Variants in EMCN observed in about 807,000 individuals in gnomAD.
The protein encoded by EMCN is MUC-14.
A neutral mutation model predicts 38.4 loss-of-function variants in EMCN; 37 were observed. That is an observed-to-expected ratio of 0.96 (90% CI 0.74 to 1.27). The LOEUF (loss-of-function observed/expected upper bound fraction) is 1.27, where lower values mean the gene tolerates loss of function less well. Ranked by LOEUF, EMCN falls within the 50% of genes most tolerant of loss-of-function variation. EMCN has a pLI of 0.00. For synonymous variants in EMCN, 95 were observed against 100.8 expected (o/e 0.94, Z 0.35); for missense variants, 318 against 302.8 (o/e 1.05, Z -0.37).
intron 8 of EMCN, 109 bp from the exon 9 acceptor site, chr4:100,417,250 A>C: frequency 4.2e-6 from 4 of 961,680 alleles, no homozygotes; most frequent in Non-Finnish European, 6.6e-6. Context: ...CTATGCAGAG[A>C]TGTTTCTAAG....
chr4:100,447,781 AGG>A (rs1727719209), intron 4 of EMCN, among the ~76,000 whole-genome samples: 1 of 152,108 alleles, frequency 6.6e-6, no homozygotes. Flanking sequence ...TTTTCCCTTA[AGG>A]GCCAAATTTT....
At chr4:100,434,160 T>C (rs1244282093) in intron 5 of EMCN, among the ~76,000 whole-genome samples, 1 of 151,928 alleles carries the variant, frequency 6.6e-6, no homozygotes, top group Non-Finnish European at 1.5e-5. Flanking sequence ...AAGTATCAAA[T>C]AGACAAAATC....
At chr4:100,499,595 C>T (rs1729296092) in intron 1 of EMCN, among the ~76,000 whole-genome samples, 1 of 152,168 alleles carries the variant, frequency 6.6e-6, no homozygotes, top group Admixed American at 6.5e-5. Flanking sequence ...CTATCTTAAG[C>T]ACCAAGAAGC....
intron 11 of EMCN, among the ~76,000 whole-genome samples, chr4:100,399,405 T>C (rs538784427): frequency 2.8e-4 from 42 of 152,158 alleles, no homozygotes; most frequent in African/African-American, 1.0e-3. Flanking sequence ...AGCTCTTTCC[T>C]GGTTTGGTTG....
intron 5 of EMCN, among the ~76,000 whole-genome samples, chr4:100,446,498 G>A (rs888208984): frequency 6.6e-6 from 1 of 152,016 alleles, no homozygotes; most frequent in Non-Finnish European, 1.5e-5. Context: ...ATAATTTTTA[G>A]TGTCACTCAT....
chr4:100,460,684 T>A (rs1181326412), intron 4 of EMCN, among the ~76,000 whole-genome samples: 1 of 152,176 alleles, frequency 6.6e-6, no homozygotes, highest in East Asian at 1.9e-4. Flanking sequence ...GTGGAAATTA[T>A]GGGAGCTACA....
intron 11 of EMCN, among the ~76,000 whole-genome samples, chr4:100,400,888 T>C (rs1259987248): frequency 1.3e-5 from 2 of 152,174 alleles, no homozygotes; most frequent in Admixed American, 1.3e-4. Flanking sequence ...TTTGCTTTTT[T>C]TTTACAACAT....
intron 10 of EMCN, among the ~76,000 whole-genome samples, chr4:100,412,200 C>T (rs576039727): frequency 6.6e-5 from 10 of 152,140 alleles, no homozygotes; most frequent in South Asian, 4.2e-4. Flanking sequence ...TGAATGAAGT[C>T]GGAGAAATAT....
chr4:100,497,192 C>T (rs757002069), intron 1 of EMCN, among the ~76,000 whole-genome samples: 12 of 147,028 alleles, frequency 8.2e-5, no homozygotes, highest in Non-Finnish European at 1.6e-4. Context: ...ATAAGACCTA[C>T]AATAATCTAG....
intron 10 of EMCN, among the ~76,000 whole-genome samples, chr4:100,411,643 T>C (rs4699400): frequency 0.47 from 71,577 of 152,026 alleles, 19,928 homozygotes; most frequent in Non-Finnish European, 0.63. Flanking sequence ...GTATGAAGAT[T>C]GTTTCATAGG....
chr4:100,486,190 C>T (rs931924854), intron 1 of EMCN, among the ~76,000 whole-genome samples: 9 of 152,136 alleles, frequency 5.9e-5, no homozygotes, highest in Non-Finnish European at 1.3e-4. Context: ...TGTCTCTCTA[C>T]GTGTCTGGCA....
At chr4:100,475,191 G>A in intron 2 of EMCN, 82 bp from the exon 3 acceptor site, 1 of 667,202 alleles carries the variant, frequency 1.5e-6, no homozygotes, top group Non-Finnish European at 2.4e-6. Context: ...TAAATCTATA[G>A]GTGGACTGGC....
intron 1 of EMCN, among the ~76,000 whole-genome samples, chr4:100,499,656 C>G (rs569446424): frequency 6.6e-6 from 1 of 152,288 alleles, no homozygotes; most frequent in South Asian, 2.1e-4. Context: ...CGTGACAAAC[C>G]TTTTGTCCTA....
At chr4:100,455,068 G>A (rs549443645) in intron 4 of EMCN, among the ~76,000 whole-genome samples, 1 of 152,028 alleles carries the variant, frequency 6.6e-6, no homozygotes, top group African/African-American at 2.4e-5. Context: ...TTGATTTTAA[G>A]TACACAATCT....
At chr4:100,466,995 A>G (rs569660967) in intron 3 of EMCN, among the ~76,000 whole-genome samples, 14 of 152,126 alleles carry the variant, frequency 9.2e-5, no homozygotes, top group African/African-American at 3.4e-4. Context: ...GAAAGAGTAT[A>G]TATAGCTAAG....
chr4:100,413,205 ATAAAG>A (rs565415243), intron 10 of EMCN, among the ~76,000 whole-genome samples: 8 of 152,204 alleles, frequency 5.3e-5, no homozygotes, highest in Non-Finnish European at 8.8e-5. Flanking sequence ...CTTGAAACAA[ATAAAG>A]TAAATTGTAA....
In EMCN at chr4:100,398,171, T is replaced by C. The variant is rs1439525947; in HGVS notation, c.*242A>G. On this transcript the variant is annotated 3_prime_UTR_variant, in exon 12 of 12. Coordinates refer to ENST00000296420, the MANE Select transcript of EMCN (RefSeq NM_016242.4). ...CTTTTCCTAGGAACGCTCCTGTAAA[T>C]GGAGTAATGGAATTTTTAAATGTGA... 6.6e-6 allele frequency: 1 copy of C among 152,010 alleles called. No homozygotes were observed. Among genetic ancestry groups the C allele is most frequent in the African/African-American group, 2.4e-5 (1 of 41,410 alleles). The allele number at this position is 152,010 out of a possible 1,614,324, so 9.4% of individuals were successfully genotyped here.
At chr4:100,497,134 T>A (rs1729227809) in intron 1 of EMCN, among the ~76,000 whole-genome samples, 2 of 151,792 alleles carry the variant, frequency 1.3e-5, no homozygotes, top group South Asian at 4.2e-4. Context: ...AACCGCTTTA[T>A]GTCTAAAGTC....
intron 5 of EMCN, among the ~76,000 whole-genome samples, chr4:100,437,571 T>C (rs930187584): frequency 1.3e-5 from 2 of 152,172 alleles, no homozygotes; most frequent in Non-Finnish European, 2.9e-5. Flanking sequence ...CATTTTCAGT[T>C]GATTTTTGTG....
Sources: gnomAD v4.1 joint callset for allele counts (sites outside exome capture counted in the v4.1 genomes callset) on GRCh38, gnomAD v4.1.1 for gene constraint, MANE v1.5 for transcripts, NCBI Gene and HGNC (gene_info 2026-07-23, HGNC 2026-07-21) for gene names.